Variants in TMX4 observed in about 807,000 individuals in gnomAD.
TMX4 encodes thioredoxin related transmembrane protein 4.
TMX4 carries 23 observed loss-of-function variants against 33.3 expected under a neutral mutation model. The ratio of observed to expected loss-of-function variants is 0.69; its 90% CI spans 0.50 to 0.98. The LOEUF is 0.98. Ranked by LOEUF, TMX4 falls within the 50% of genes least tolerant of loss-of-function variation. The pLI is 0.00. For missense variants in TMX4, 399 were observed against 448.9 expected (o/e 0.89, Z 1.01); for synonymous variants, 164 against 161.5 (o/e 1.02, Z -0.12).
Position 7,978,159 on chromosome 20 carries a change from A to G in TMX4, c.*4092T>C, listed in dbSNP as rs2050588437. The G allele has an allele frequency of 1.3e-5, 2 of 152,244 alleles. No homozygotes were observed. Among genetic ancestry groups the G allele is most frequent in the Non-Finnish European group, 2.9e-5 (2 of 68,036 alleles). The allele number at this position is 152,244 out of a possible 1,614,324, so 9.4% of individuals were successfully genotyped here. A position where few individuals can be genotyped will look rare whatever the true frequency, so the allele number is the denominator to read the frequency against. On this transcript the variant is annotated 3_prime_UTR_variant, in exon 8 of 8. Transcript: ENST00000246024. ...GACAGGATGGGTCAACCACATATTC[A>G]TAATACTGACAGAAATAACACTGTA...
At chr20:8,018,481 GGAGA>G (rs1156723197) in intron 1 of TMX4, among the ~76,000 whole-genome samples, 87 of 13,708 alleles carry the variant, frequency 6.3e-3, no homozygotes, top group Non-Finnish European at 8.0e-3. Context: ...GGAGGGAGGG[GGAGA>G]GAGAGAGAGA....
In TMX4 at chr20:7,980,960, G is replaced by C. The variant is rs956761076; in HGVS notation, c.*1291C>G. The stretch of plus-strand genomic sequence containing the variant: ...ATTCTGTCTGGATCTAAGGAGCATA[G>C]AATCAACTTTAGGCATCTTTCGTAT... On this transcript the variant is annotated 3_prime_UTR_variant, in exon 8 of 8. Coordinates refer to ENST00000246024, the MANE Select transcript of TMX4 (RefSeq NM_021156.4). The C allele has an allele frequency of 2.0e-5, 3 of 152,078 alleles. No individual in the cohort carries two copies. The highest frequency in any genetic ancestry group is 4.4e-5 in the Non-Finnish European group (3 of 68,016). The allele number at this position is 152,078 out of a possible 1,614,324, so 9.4% of individuals were successfully genotyped here. A position where few individuals can be genotyped will look rare whatever the true frequency, so the allele number is the denominator to read the frequency against.
chr20:8,017,847 T>C (rs996041139), intron 1 of TMX4, among the ~76,000 whole-genome samples: 1 of 152,174 alleles, frequency 6.6e-6, no homozygotes, highest in African/African-American at 2.4e-5. Context: ...CCTCACCTTC[T>C]TCCAAAAATA....
chr20:8,010,467 A>C (rs538671271), intron 1 of TMX4, 152 bp from the exon 2 acceptor site: 1 of 471,582 alleles, frequency 2.1e-6, no homozygotes, highest in East Asian at 3.9e-5. Context: ...GAAAAACAGA[A>C]GCACATTGTC....
chr20:7,988,784 G>A (rs2050641158), intron 5 of TMX4, among the ~76,000 whole-genome samples: 1 of 152,112 alleles, frequency 6.6e-6, no homozygotes, highest in South Asian at 2.1e-4. Context: ...CAGCACTTTG[G>A]GAGGCCGAGG....
intron 5 of TMX4, among the ~76,000 whole-genome samples, chr20:7,992,480 G>A (rs1054548268): frequency 2.6e-5 from 4 of 152,128 alleles, no homozygotes; most frequent in Admixed American, 6.5e-5. Context: ...ATGACATATC[G>A]AGGATCCCTG....
intron 5 of TMX4, among the ~76,000 whole-genome samples, chr20:7,990,528 C>T (rs2050650129): frequency 6.6e-6 from 1 of 152,170 alleles, no homozygotes; most frequent in African/African-American, 2.4e-5. Context: ...GGCCTCCATG[C>T]ATCTGAGGTA....
At position 8,006,474 on chromosome 20, in the gene TMX4, T is replaced by C. The variant is rs578074288; in HGVS notation, c.292+3726A>G. Among the ~76,000 whole-genome samples, 3 of 152,222 alleles carry C rather than the reference T, an allele frequency of 2.0e-5. No individual in the cohort carries two copies. In the East Asian group the frequency reaches 5.8e-4, roughly 29 times the overall value. ...ACACTAACGAAGATCTGCAACCAAATAGAAATTTGTATACAGAAATACACA... is the reference window on the plus strand; with the variant it reads ...ACACTAACGAAGATCTGCAACCAAACAGAAATTTGTATACAGAAATACACA... On this transcript the variant is annotated intron_variant, in intron 2 of 7. Transcript: ENST00000246024.
chr20:8,018,519 AGAGAGAGAG>A (rs1568541335), intron 1 of TMX4, among the ~76,000 whole-genome samples: 1,679 of 129,424 alleles, frequency 0.013, 473 homozygotes, highest in African/African-American at 0.042. Context: ...AGAGAGAGAG[AGAGAGAGAG>A]TCTGCAAGCC....
chr20:8,001,117 T>C (rs2122868393), intron 3 of TMX4, among the ~76,000 whole-genome samples: 1 of 152,316 alleles, frequency 6.6e-6, no homozygotes, highest in Middle Eastern at 3.4e-3. Flanking sequence ...GGTCCAGCCA[T>C]AAAGAACTAG....
chr20:7,979,414 T>G lies in TMX4; in HGVS notation c.*2837A>C, dbSNP rs989858468. 6.6e-6 allele frequency: 1 copy of G among 152,148 alleles called. No individual in the cohort carries two copies. The highest frequency in any genetic ancestry group is 6.5e-5 in the Admixed American group (1 of 15,270). The allele number at this position is 152,148 out of a possible 1,614,324, so 9.4% of individuals were successfully genotyped here. Reference sequence around the variant, plus strand: ...TCCAAGATGTTTTTCTCCTCACCCTTCAATTTTTTTTAAAAGTATTTCTGA... The same window carrying G: ...TCCAAGATGTTTTTCTCCTCACCCTGCAATTTTTTTTAAAAGTATTTCTGA... On this transcript the variant is annotated 3_prime_UTR_variant, in exon 8 of 8. Transcript: ENST00000246024.
At chr20:7,986,151 C>T (rs779406034) in intron 6 of TMX4, among the ~76,000 whole-genome samples, 2 of 152,096 alleles carry the variant, frequency 1.3e-5, no homozygotes, top group African/African-American at 2.4e-5. Flanking sequence ...TCCCTTTAGA[C>T]GGGAGCAATG....
intron 2 of TMX4, among the ~76,000 whole-genome samples, chr20:8,006,870 A>G (rs2050733146): frequency 6.7e-6 from 1 of 150,152 alleles, no homozygotes; most frequent in Admixed American, 6.6e-5. Context: ...GCGATTCTCC[A>G]TTCTCCTGCC....
chr20:7,999,544 T>TA (rs1249826063), intron 4 of TMX4, among the ~76,000 whole-genome samples, 188 bp downstream of exon 4: 1 of 152,168 alleles, frequency 6.6e-6, no homozygotes, highest in Non-Finnish European at 1.5e-5. Context: ...CCCAGTATAC[T>TA]AAAAACCAGC....
At position 7,989,015 on chromosome 20, in the gene TMX4, G is replaced by A. The variant is rs144147414; in HGVS notation, c.514-1626C>T. On this transcript the variant is annotated intron_variant, in intron 5 of 7. Coordinates refer to ENST00000246024, the MANE Select transcript of TMX4 (RefSeq NM_021156.4). ...AGCCTGGGTGACAGGGCAAGACTCC[G>A]TCTCAAGAAAAAAAAAAAAAAAGTA... Among the ~76,000 whole-genome samples the A allele has an allele frequency of 8.5e-3, 1,266 of 148,158 alleles. 16 individuals are homozygous for A. Among genetic ancestry groups the A allele is most frequent in the African/African-American group, 0.03 (1,190 of 40,118 alleles).
At position 7,981,734 on chromosome 20, in the gene TMX4, C is replaced by T. The variant is rs1022412748; in HGVS notation, c.*517G>A. On this transcript the variant is annotated 3_prime_UTR_variant, in exon 8 of 8. Transcript: ENST00000246024. Reference sequence around the variant, plus strand: ...GAGGGCTGGGATGACTTCTGAGCTGCTCTCTATACCCAAGGCCCTTTCAAT... The same window carrying T: ...GAGGGCTGGGATGACTTCTGAGCTGTTCTCTATACCCAAGGCCCTTTCAAT... 2 of 153,420 alleles carry T rather than the reference C, an allele frequency of 1.3e-5. No individual in the cohort carries two copies. The highest frequency in any genetic ancestry group is 4.8e-5 in the African/African-American group (2 of 41,464). 9.5% of individuals were successfully genotyped at this position (153,420 alleles called of 1,614,324 possible).
In TMX4 at chr20:8,019,557, C is replaced by A; in HGVS notation, c.57G>T (p.Ala19=). 1 of 1,444,720 alleles carries A rather than the reference C, an allele frequency of 6.9e-7. No individual in the cohort carries two copies. Among genetic ancestry groups the A allele is most frequent in the Non-Finnish European group, 9.1e-7 (1 of 1,099,026 alleles). The allele number at this position is 1,444,720 out of a possible 1,614,324, so 89.5% of individuals were successfully genotyped here. ...QLTALLAAWI[A]AVAATAGPEE... is the part of the protein sequence containing the mutation. ...CGGGGCCTGCCGTCGCCGCCACAGC[C>A]GCGATCCAGGCGGCCAGGAGCGCCG... The change falls in exon 1 of 8, where the codon GCG becomes GCT. Residue 19 remains alanine, a synonymous_variant. Transcript: ENST00000246024.
Position 7,982,686 on chromosome 20 carries a change from G to A in TMX4, c.680-65C>T, listed in dbSNP as rs932858085. ...ATGGTAATTCGGTAATCAATTGAGT[G>A]TGTTTAGCTGTGAAATAAAAATAGA... On this transcript the variant is annotated intron_variant, in intron 7 of 7. Transcript: ENST00000246024. 5.4e-6 allele frequency: 8 copies of A among 1,479,978 alleles called. No homozygotes were observed. The African/African-American group carries it at 1.1e-4, about 21-fold the overall frequency. 91.7% of individuals were successfully genotyped at this position (1,479,978 alleles called of 1,614,324 possible).
chr20:8,009,549 GT>G (rs1224882726), intron 2 of TMX4, among the ~76,000 whole-genome samples: 1 of 152,078 alleles, frequency 6.6e-6, no homozygotes, highest in Non-Finnish European at 1.5e-5. Flanking sequence ...ATTACTAATG[GT>G]GATAGCATAT....
Sources: allele counts gnomAD v4.1 joint callset (sites outside exome capture counted in the v4.1 genomes callset), GRCh38; gene constraint gnomAD v4.1.1; transcripts MANE v1.5; gene names NCBI Gene and HGNC (gene_info 2026-07-23, HGNC 2026-07-21).